Variants in OSBPL8 observed in about 807,000 individuals in gnomAD.
OSBPL8 encodes oxysterol binding protein like 8, also known as oxysterol-binding protein-related protein 8.
A neutral mutation model predicts 125.5 loss-of-function variants in OSBPL8; 59 were observed. That is an observed-to-expected ratio of 0.47 (90% CI 0.38 to 0.58). The LOEUF is 0.58. Among genes scored for constraint, OSBPL8 ranks in the 20% least tolerant of loss-of-function variants. The pLI is 0.00. For synonymous variants in OSBPL8, 330 were observed against 338.9 expected, an observed-to-expected ratio of 0.97 and a Z score of 0.29; for missense variants, 758 against 1,047.8, an observed-to-expected ratio of 0.72 and a Z score of 3.82.
intron 5 of OSBPL8, among the ~76,000 whole-genome samples, chr12:76,407,036 C>A (rs913265886): frequency 3.9e-5 from 6 of 152,088 alleles, no homozygotes. Flanking sequence ...TGAGAGTATT[C>A]ATATTTTTTG....
At chr12:76,524,132 T>C (rs539392510) in intron 1 of OSBPL8, among the ~76,000 whole-genome samples, 2 of 152,182 alleles carry the variant, frequency 1.3e-5, no homozygotes, top group Non-Finnish European at 2.9e-5. Context: ...ATGAATCCTT[T>C]AATGTTGTTA....
chr12:76,464,389 C>T (rs904411111), intron 2 of OSBPL8, among the ~76,000 whole-genome samples: 1 of 152,118 alleles, frequency 6.6e-6, no homozygotes, highest in Non-Finnish European at 1.5e-5. Flanking sequence ...GTTATAAGTA[C>T]ATCGATAAGA....
intron 5 of OSBPL8, among the ~76,000 whole-genome samples, chr12:76,409,847 T>G (rs1194992318): frequency 6.6e-6 from 1 of 152,150 alleles, no homozygotes; most frequent in Non-Finnish European, 1.5e-5. Context: ...TAACAGAGAA[T>G]TCAGTCTTTA....
intron 2 of OSBPL8, among the ~76,000 whole-genome samples, chr12:76,483,696 C>A (rs1177385184): frequency 2.3e-4 from 18 of 76,932 alleles, no homozygotes; most frequent in Admixed American, 1.8e-3. Context: ...TTTTTTGAGA[C>A]AGCATTTCAC....
chr12:76,539,059 G>T (rs984900452), intron 1 of OSBPL8, among the ~76,000 whole-genome samples: 2 of 121,774 alleles, frequency 1.6e-5, no homozygotes, highest in African/African-American at 5.9e-5. Context: ...TGGGGGGGGG[G>T]AGGGGGAGGG....
chr12:76,369,168 T>C, intron 21 of OSBPL8, 46 bp downstream of exon 21: 1 of 1,576,388 alleles, frequency 6.3e-7, no homozygotes, highest in Non-Finnish European at 8.6e-7. Context: ...ATACTAAAGA[T>C]TTAACAGATT....
At chr12:76,481,456 C>G (rs769409001) in intron 2 of OSBPL8, among the ~76,000 whole-genome samples, 2 of 151,764 alleles carry the variant, frequency 1.3e-5, no homozygotes, top group African/African-American at 4.8e-5. Context: ...CAAGACCCTG[C>G]GTCTATTAAA....
intron 5 of OSBPL8, among the ~76,000 whole-genome samples, chr12:76,404,771 T>C (rs1340893418): frequency 6.6e-6 from 1 of 152,248 alleles, no homozygotes; most frequent in African/African-American, 2.4e-5. Context: ...TTGACTATGT[T>C]ATCAGTAAGG....
chr12:76,395,567 C>CA (rs5799269), intron 8 of OSBPL8, among the ~76,000 whole-genome samples: 119,164 of 151,982 alleles, frequency 0.78, 46,922 homozygotes, highest in East Asian at 0.92. Context: ...TCTGCATTTT[C>CA]AAATAGCTTT....
intron 4 of OSBPL8, among the ~76,000 whole-genome samples, chr12:76,435,844 A>T (rs1034324365): frequency 6.6e-6 from 1 of 152,110 alleles, no homozygotes; most frequent in African/African-American, 2.4e-5. Context: ...CAGGGACTCA[A>T]CCCAAAACTT....
At chr12:76,493,448 A>G (rs1878947380) in intron 1 of OSBPL8, among the ~76,000 whole-genome samples, 2 of 152,268 alleles carry the variant, frequency 1.3e-5, no homozygotes, top group East Asian at 1.9e-4. Flanking sequence ...CTTTTCTGGG[A>G]AAGTCTTCAC....
intron 8 of OSBPL8, among the ~76,000 whole-genome samples, chr12:76,396,593 T>A (rs1297422954): frequency 2.4e-4 from 36 of 151,844 alleles, no homozygotes; most frequent in Admixed American, 2.4e-3. Context: ...CTACAAAAAA[T>A]GTTTAAAAAA....
intron 1 of OSBPL8, among the ~76,000 whole-genome samples, chr12:76,539,164 A>G (rs1042801678): frequency 1.3e-5 from 2 of 151,910 alleles, no homozygotes; most frequent in Non-Finnish European, 2.9e-5. Flanking sequence ...AGAAAAAAAA[A>G]AGACAGATAT....
chr12:76,554,793 C>A (rs776823890), intron 1 of OSBPL8, among the ~76,000 whole-genome samples: 1 of 151,914 alleles, frequency 6.6e-6, no homozygotes, highest in Middle Eastern at 3.2e-3. Flanking sequence ...TTTTTCAGTC[C>A]TTTTTGAATA....
intron 15 of OSBPL8, among the ~76,000 whole-genome samples, chr12:76,380,564 A>C (rs1461331399): frequency 6.7e-6 from 1 of 148,254 alleles, no homozygotes; most frequent in African/African-American, 2.5e-5. Context: ...GCAAGTATTC[A>C]TTTCTAGTAT....
chr12:76,476,647 A>T (rs1452421448), intron 2 of OSBPL8, among the ~76,000 whole-genome samples: 2 of 152,148 alleles, frequency 1.3e-5, no homozygotes, highest in Middle Eastern at 3.2e-3. Flanking sequence ...GAAAGAATGA[A>T]ACAGAAGTGC....
chr12:76,450,706 CCT>C, intron 4 of OSBPL8, 143 bp downstream of exon 4: 1 of 752,808 alleles, frequency 1.3e-6, no homozygotes, highest in South Asian at 2.1e-5. Context: ...TTATAGATGA[CCT>C]AAACAAAACA....
intron 8 of OSBPL8, among the ~76,000 whole-genome samples, chr12:76,396,357 A>C (rs1298436054): frequency 2.6e-5 from 4 of 152,208 alleles, no homozygotes; most frequent in Admixed American, 6.5e-5. Context: ...AGCTACTTTT[A>C]GTTAACCGTA....
intron 4 of OSBPL8, among the ~76,000 whole-genome samples, chr12:76,441,094 A>G (rs940102564): frequency 1.3e-5 from 2 of 152,118 alleles, no homozygotes; most frequent in African/African-American, 2.4e-5. Flanking sequence ...TCTTTCCCCT[A>G]TATTTCCCAA....
Sources: gnomAD v4.1 joint callset for allele counts (sites outside exome capture counted in the v4.1 genomes callset) on GRCh38, gnomAD v4.1.1 for gene constraint, MANE v1.5 for transcripts, NCBI Gene and HGNC (gene_info 2026-07-23, HGNC 2026-07-21) for gene names.